Variants in PSPC1 observed in about 807,000 individuals in gnomAD.
PSPC1 encodes the protein paraspeckle component 1.
PSPC1 carries 14 observed loss-of-function variants against 51.6 expected under a neutral mutation model. That is an observed-to-expected ratio of 0.27 (90% CI 0.18 to 0.42). The LOEUF is 0.42. Ranked by LOEUF, PSPC1 falls within the 10% of genes least tolerant of loss-of-function variation. The probability of loss-of-function intolerance (pLI) is 1.00; values close to 1 mark genes in which losing one functional copy is unlikely to be tolerated. For synonymous variants in PSPC1, 193 were observed against 231.9 expected, an observed-to-expected ratio of 0.83 and a Z score of 1.53; for missense variants, 406 against 701.1, an observed-to-expected ratio of 0.58 and a Z score of 4.75.
intron 1 of PSPC1, among the ~76,000 whole-genome samples, chr13:19,776,015 C>T (rs1385538062): frequency 6.6e-6 from 1 of 151,612 alleles, no homozygotes; most frequent in African/African-American, 2.4e-5. Context: ...CGCACCACTG[C>T]ACTCCAGCAT....
intron 5 of PSPC1, among the ~76,000 whole-genome samples, chr13:19,734,607 G>T (rs1178314682): frequency 1.3e-5 from 2 of 152,150 alleles, no homozygotes; most frequent in Non-Finnish European, 2.9e-5. Flanking sequence ...TTCGAGACGA[G>T]CCTGGCCAAC....
chr13:19,707,586 T>G (rs978082312), intron 7 of PSPC1, among the ~76,000 whole-genome samples: 2 of 152,170 alleles, frequency 1.3e-5, no homozygotes, highest in Non-Finnish European at 2.9e-5. Context: ...AAGAGAAAAT[T>G]AGATAAACTG....
At chr13:19,724,377 G>A (rs547980569) in intron 6 of PSPC1, among the ~76,000 whole-genome samples, 1 of 152,124 alleles carries the variant, frequency 6.6e-6, no homozygotes, top group East Asian at 1.9e-4. Context: ...CCACATCAGG[G>A]AAAGTTAGGT....
At chr13:19,729,473 G>A (rs138182768) in intron 6 of PSPC1, among the ~76,000 whole-genome samples, 349 of 151,334 alleles carry the variant, frequency 2.3e-3, no homozygotes, top group Non-Finnish European at 3.7e-3. Flanking sequence ...GGAGGCAGAG[G>A]TTGCAGTGAG....
chr13:19,707,197 T>G (rs1272423801), intron 7 of PSPC1, among the ~76,000 whole-genome samples: 1 of 152,182 alleles, frequency 6.6e-6, no homozygotes, highest in Admixed American at 6.5e-5. Context: ...TTCTCTTTAA[T>G]AGAATGTAAT....
At chr13:19,729,858 A>C (rs992675864) in intron 6 of PSPC1, among the ~76,000 whole-genome samples, 2 of 152,204 alleles carry the variant, frequency 1.3e-5, no homozygotes, top group South Asian at 4.1e-4. Context: ...CCATATGTTT[A>C]TAAGTGTTCA....
Position 19,750,996 on chromosome 13 carries a change from C to T in PSPC1, c.967+275G>A, listed in dbSNP as rs561189524. Among the ~76,000 whole-genome samples, 413 of 152,080 alleles carry T rather than the reference C, an allele frequency of 2.7e-3. 2 individuals carry two copies. The highest frequency in any genetic ancestry group is 0.014 in the Middle Eastern group (4 of 294). On this transcript the variant is annotated intron_variant, in intron 4 of 8. Coordinates refer to ENST00000338910, the MANE Select transcript of PSPC1 (RefSeq NM_001354909.2). Reference sequence around the variant, plus strand: ...GTTGGTCAGGCAGGTCTCGAACTCCCGACCTCAGGTGATCCATCTGCCTTG... The same window carrying T: ...GTTGGTCAGGCAGGTCTCGAACTCCTGACCTCAGGTGATCCATCTGCCTTG...
intron 3 of PSPC1, among the ~76,000 whole-genome samples, chr13:19,754,102 CT>C (rs1886833940): frequency 6.8e-6 from 1 of 148,036 alleles, no homozygotes; most frequent in Admixed American, 6.8e-5. Context: ...TTTTTTTTTC[CT>C]GAAACAGTTT....
At chr13:19,689,346 C>T (rs903773717) in intron 6 of PSPC1, among the ~76,000 whole-genome samples, 15 of 152,134 alleles carry the variant, frequency 9.9e-5, no homozygotes, top group African/African-American at 3.4e-4. Context: ...GGAAAACACA[C>T]ATGAAAATTT....
intron 4 of PSPC1, among the ~76,000 whole-genome samples, chr13:19,747,069 T>C (rs529629974): frequency 2.0e-5 from 3 of 150,972 alleles, no homozygotes; most frequent in South Asian, 2.1e-4. Flanking sequence ...GATGGCGCCA[T>C]TTCACTCCAG....
At chr13:19,775,155 A>C (rs368123832) in intron 1 of PSPC1, among the ~76,000 whole-genome samples, 10 of 152,138 alleles carry the variant, frequency 6.6e-5, no homozygotes, top group African/African-American at 2.4e-4. Flanking sequence ...TAGCCAGCAT[A>C]GTGAAACCCC....
chr13:19,672,825 C>G, downstream of PSPC1: 2 of 296,160 alleles, frequency 6.8e-6, no homozygotes, highest in South Asian at 3.4e-5. Flanking sequence ...TTTAGCAGAG[C>G]GTGGTGGCTC....
intron 4 of PSPC1, among the ~76,000 whole-genome samples, chr13:19,747,889 C>T (rs1886155001): frequency 1.3e-5 from 2 of 152,162 alleles, no homozygotes; most frequent in Non-Finnish European, 2.9e-5. Context: ...TCTCCTCAAC[C>T]TGAATACATC....
intron 4 of PSPC1, among the ~76,000 whole-genome samples, chr13:19,747,735 T>C (rs932476222): frequency 6.6e-6 from 1 of 152,152 alleles, no homozygotes; most frequent in African/African-American, 2.4e-5. Flanking sequence ...AAAAGAGACT[T>C]AAAATACAAA....
At chr13:19,694,055 G>A (rs1358831343) in intron 6 of PSPC1, among the ~76,000 whole-genome samples, 21 of 148,974 alleles carry the variant, frequency 1.4e-4, no homozygotes, top group Admixed American at 2.7e-4. Flanking sequence ...CCCGGGAGGC[G>A]GAGCCTGCAG....
chr13:19,747,983 G>A (rs1886163460), intron 4 of PSPC1, among the ~76,000 whole-genome samples: 1 of 152,202 alleles, frequency 6.6e-6, no homozygotes, highest in Admixed American at 6.5e-5. Flanking sequence ...GGAGGTCAAG[G>A]CAGGTAGATC....
chr13:19,733,090 G>A (rs562424844), intron 5 of PSPC1, among the ~76,000 whole-genome samples: 1 of 152,146 alleles, frequency 6.6e-6, no homozygotes, highest in Non-Finnish European at 1.5e-5. Context: ...AGAAATGTAC[G>A]CACAAATGTG....
At chr13:19,740,414 A>T (rs1031144214) in intron 5 of PSPC1, among the ~76,000 whole-genome samples, 1 of 152,186 alleles carries the variant, frequency 6.6e-6, no homozygotes, top group Non-Finnish European at 1.5e-5. Flanking sequence ...AAACTCAGGT[A>T]CAAAGTTTGA....
At chr13:19,683,844 T>G (rs1298962119) in intron 6 of PSPC1, among the ~76,000 whole-genome samples, 1 of 152,168 alleles carries the variant, frequency 6.6e-6, no homozygotes, top group Non-Finnish European at 1.5e-5. Flanking sequence ...ATATGCCATC[T>G]TTTCCTCTTA....
Sources: gnomAD v4.1 joint callset for allele counts (sites outside exome capture counted in the v4.1 genomes callset) on GRCh38, gnomAD v4.1.1 for gene constraint, MANE v1.5 for transcripts, NCBI Gene and HGNC (gene_info 2026-07-23, HGNC 2026-07-21) for gene names.